Variants in GALNT1 observed in about 807,000 individuals in gnomAD.
GALNT1 encodes GalNAc transferase 1.
A neutral mutation model predicts 65.7 loss-of-function variants in GALNT1; 17 were observed. The observed-to-expected ratio is 0.26, with a 90% CI of 0.18 to 0.39. The LOEUF (loss-of-function observed/expected upper bound fraction) is 0.39. Among genes scored for constraint, GALNT1 ranks in the 10% least tolerant of loss-of-function variants. GALNT1 has a pLI of 1.00. For missense variants in GALNT1, 460 were observed against 672.8 expected, an observed-to-expected ratio of 0.68 and a Z score of 3.50; for synonymous variants, 210 against 219.7, an observed-to-expected ratio of 0.96 and a Z score of 0.39.
In GALNT1 at chr18:35,689,309, A is replaced by T. The variant is rs1269643391; in HGVS notation, c.978+19A>T. 2.9e-6 allele frequency: 4 copies of T among 1,395,834 alleles called. No individual in the cohort carries two copies. The highest frequency in any genetic ancestry group is 4.0e-6 in the Non-Finnish European group (4 of 995,330). The allele number at this position is 1,395,834 out of a possible 1,614,324, so 86.5% of individuals were successfully genotyped here. On this transcript the variant is annotated intron_variant, in intron 7 of 11. Transcript: ENST00000269195. ...CTTTAGGGTAAGTTCCCTTAAAAAA[A>T]TTTAATCTTTTATTTAACTTCAAGT...
At chr18:35,622,023 A>G (rs2046858586) in intron 1 of GALNT1, among the ~76,000 whole-genome samples, 1 of 152,122 alleles carries the variant, frequency 6.6e-6, no homozygotes, top group South Asian at 2.1e-4. Flanking sequence ...TGTTGTTTAA[A>G]ATTGTAATGG....
intron 1 of GALNT1, among the ~76,000 whole-genome samples, chr18:35,598,358 A>G (rs1376453063): frequency 6.6e-6 from 1 of 151,872 alleles, no homozygotes; most frequent in African/African-American, 2.4e-5. Flanking sequence ...TTTTGTACCC[A>G]GTAACCAGTC....
chr18:35,677,489 A>T, intron 3 of GALNT1, 102 bp from the exon 4 acceptor site: 1 of 846,746 alleles, frequency 1.2e-6, no homozygotes, highest in Non-Finnish European at 1.8e-6. Flanking sequence ...TCCCACCACT[A>T]GAGCAAACTG....
chr18:35,627,049 A>C (rs1319031027), intron 1 of GALNT1, among the ~76,000 whole-genome samples: 4 of 152,240 alleles, frequency 2.6e-5, no homozygotes, highest in Non-Finnish European at 4.4e-5. Context: ...TTGGAGGTCA[A>C]ATGCAATGAA....
At chr18:35,659,236 G>C (rs1192904351) in intron 2 of GALNT1, among the ~76,000 whole-genome samples, 1 of 152,158 alleles carries the variant, frequency 6.6e-6, no homozygotes, top group Non-Finnish European at 1.5e-5. Flanking sequence ...GGTTTGAATA[G>C]AATGGATTGA....
intron 4 of GALNT1, among the ~76,000 whole-genome samples, chr18:35,682,269 T>G (rs1364475206): frequency 3.3e-5 from 5 of 152,196 alleles, no homozygotes; most frequent in Non-Finnish European, 7.4e-5. Flanking sequence ...TATCCCTGAT[T>G]ATTTCATTAT....
intron 1 of GALNT1, among the ~76,000 whole-genome samples, chr18:35,653,832 G>A (rs1288951126): frequency 1.3e-5 from 2 of 152,248 alleles, no homozygotes; most frequent in Non-Finnish European, 2.9e-5. Flanking sequence ...AATCAGGGAA[G>A]TGTATAAAAT....
intron 3 of GALNT1, among the ~76,000 whole-genome samples, chr18:35,666,039 C>T (rs1274823918): frequency 6.6e-6 from 1 of 152,008 alleles, no homozygotes; most frequent in African/African-American, 2.4e-5. Context: ...TGAGAAAATT[C>T]CAGAAGAGAC....
chr18:35,617,469 G>A (rs1403436540), intron 1 of GALNT1, among the ~76,000 whole-genome samples: 2 of 152,058 alleles, frequency 1.3e-5, no homozygotes, highest in Non-Finnish European at 2.9e-5. Context: ...ATCATATTTC[G>A]AGAAATTCTA....
intron 2 of GALNT1, among the ~76,000 whole-genome samples, chr18:35,655,695 A>G (rs1182411822): frequency 6.6e-6 from 1 of 152,022 alleles, no homozygotes; most frequent in Non-Finnish European, 1.5e-5. Flanking sequence ...CCACATTTAA[A>G]TTTTTTATAC....
rs936521177 is a variant in GALNT1 at position 35,622,882 on chromosome 18, ATT to A, written c.-103-31677_-103-31676del. On this transcript the variant is annotated intron_variant, in intron 1 of 11. Transcript: ENST00000269195. ...AGATATCTTTTGTTAGGTTAACCAAATTCTTATTTCTAGTTTTCCATGAGTTC... is the reference window on the plus strand; with the variant it reads ...AGATATCTTTTGTTAGGTTAACCAAACTTATTTCTAGTTTTCCATGAGTTC... Among the ~76,000 whole-genome samples, 144 of 152,160 alleles carry A rather than the reference ATT, an allele frequency of 9.5e-4. 1 individual carries two copies. The highest frequency in any genetic ancestry group is 3.0e-3 in the African/African-American group (125 of 41,542).
At chr18:35,600,476 T>C (rs2143948331) in intron 1 of GALNT1, among the ~76,000 whole-genome samples, 1 of 152,330 alleles carries the variant, frequency 6.6e-6, no homozygotes, top group South Asian at 2.1e-4. Flanking sequence ...ACAAGGATAA[T>C]TTGACTACTT....
At chr18:35,658,462 G>A (rs1293127927) in intron 2 of GALNT1, among the ~76,000 whole-genome samples, 1 of 151,364 alleles carries the variant, frequency 6.6e-6, no homozygotes, top group Non-Finnish European at 1.5e-5. Context: ...GAAGAGCACA[G>A]TTGATGCTAA....
intron 1 of GALNT1, chr18:35,596,933 A>T (rs2046512666): frequency 6.6e-6 from 1 of 152,214 alleles, no homozygotes; most frequent in Non-Finnish European, 1.5e-5. Context: ...TGGATTCTTC[A>T]GTTGTAGGCA....
chr18:35,661,690 CA>C (rs1340882068), intron 2 of GALNT1, among the ~76,000 whole-genome samples: 1 of 152,022 alleles, frequency 6.6e-6, no homozygotes, highest in Non-Finnish European at 1.5e-5. Context: ...TCTGGATTTG[CA>C]TCCCTTTAAT....
At chr18:35,629,591 G>A (rs1026990406) in intron 1 of GALNT1, among the ~76,000 whole-genome samples, 9 of 152,026 alleles carry the variant, frequency 5.9e-5, no homozygotes, top group East Asian at 1.9e-4. Flanking sequence ...AGGAAGAACC[G>A]GTACCAGCCA....
At chr18:35,632,637 T>C (rs1223983084) in intron 1 of GALNT1, among the ~76,000 whole-genome samples, 5 of 152,286 alleles carry the variant, frequency 3.3e-5, no homozygotes, top group Admixed American at 2.6e-4. Context: ...GACATAGGCA[T>C]GGGCAAGGAC....
At chr18:35,597,738 G>A (rs1315069916) in intron 1 of GALNT1, 2 of 152,112 alleles carry the variant, frequency 1.3e-5, no homozygotes, top group Admixed American at 6.6e-5. Context: ...TTCATCGGTC[G>A]TTAGCATATG....
At chr18:35,705,569 T>A (rs2048242943) in intron 11 of GALNT1, among the ~76,000 whole-genome samples, 1 of 152,184 alleles carries the variant, frequency 6.6e-6, no homozygotes, top group Non-Finnish European at 1.5e-5. Flanking sequence ...CCATTTTGGG[T>A]GTGACTGCCC....
Sources: allele counts gnomAD v4.1 joint callset (sites outside exome capture counted in the v4.1 genomes callset), GRCh38; gene constraint gnomAD v4.1.1; transcripts MANE v1.5; gene names NCBI Gene and HGNC (gene_info 2026-07-23, HGNC 2026-07-21).